The following ADAMTS18 variants were observed in gnomAD, a reference collection of about 807,000 sequenced individuals.
ADAMTS18 encodes A disintegrin and metalloproteinase with thrombospondin motifs 18.
ADAMTS18 carries 157 observed loss-of-function variants against 165.9 expected under a neutral mutation model. The ratio of observed to expected loss-of-function variants is 0.95; its 90% CI spans 0.83 to 1.08. ADAMTS18 has a LOEUF of 1.08. Ranked by LOEUF, ADAMTS18 falls within the 50% of genes least tolerant of loss-of-function variation. The pLI, the probability that ADAMTS18 is intolerant of heterozygous loss-of-function variation, is 0.00. For synonymous variants in ADAMTS18, 782 were observed against 578.2 expected, an observed-to-expected ratio of 1.35 and a Z score of -5.06; for missense variants, 2,040 against 1,534.0, an observed-to-expected ratio of 1.33 and a Z score of -5.51.
At chr16:77,320,295 C>T (rs2055972077) in intron 15 of ADAMTS18, among the ~76,000 whole-genome samples, 1 of 152,158 alleles carries the variant, frequency 6.6e-6, no homozygotes, top group Admixed American at 6.5e-5. Context: ...ATGTATGTGG[C>T]TTCCCAAAGC....
intron 3 of ADAMTS18, among the ~76,000 whole-genome samples, chr16:77,418,871 C>T (rs781665726): frequency 1.2e-4 from 19 of 152,220 alleles, no homozygotes; most frequent in Non-Finnish European, 2.8e-4. Flanking sequence ...CAATTATTCG[C>T]CGAGTGCGGC....
At chr16:77,415,639 T>C (rs571227412) in intron 3 of ADAMTS18, among the ~76,000 whole-genome samples, 2 of 149,170 alleles carry the variant, frequency 1.3e-5, no homozygotes, top group African/African-American at 4.9e-5. Flanking sequence ...ACAGACTGCA[T>C]GGACTTGAGG....
chr16:77,348,246 C>T (rs1308427426), intron 10 of ADAMTS18, among the ~76,000 whole-genome samples: 1 of 152,094 alleles, frequency 6.6e-6, no homozygotes, highest in African/African-American at 2.4e-5. Flanking sequence ...AAATAAGACA[C>T]TGGAGTCCAA....
intron 18 of ADAMTS18, among the ~76,000 whole-genome samples, chr16:77,295,907 G>C (rs759052068): frequency 6.6e-6 from 1 of 151,488 alleles, no homozygotes; most frequent in Non-Finnish European, 1.5e-5. Flanking sequence ...GCAATGGCTC[G>C]ATCTCAGCTC....
intron 7 of ADAMTS18, 119 bp from the exon 8 acceptor site, chr16:77,359,542 G>A: frequency 1.3e-5 from 7 of 548,742 alleles, no homozygotes; most frequent in South Asian, 1.0e-4. Context: ...TGCATTCAGT[G>A]TTTTTGGAAA....
chr16:77,326,748 G>A (rs1305434126), intron 12 of ADAMTS18, among the ~76,000 whole-genome samples: 1 of 152,178 alleles, frequency 6.6e-6, no homozygotes, highest in Non-Finnish European at 1.5e-5. Context: ...AGGTTCAGGG[G>A]TACATGTAAA....
intron 22 of ADAMTS18, among the ~76,000 whole-genome samples, chr16:77,288,535 C>G (rs1001783825): frequency 6.6e-6 from 1 of 152,082 alleles, no homozygotes; most frequent in Non-Finnish European, 1.5e-5. Context: ...ATTTTCCTAT[C>G]AGTACTCACT....
At chr16:77,425,341 T>C (rs1303544250) in intron 3 of ADAMTS18, among the ~76,000 whole-genome samples, 1 of 152,110 alleles carries the variant, frequency 6.6e-6, no homozygotes, top group Non-Finnish European at 1.5e-5. Context: ...GGAGTTCTCA[T>C]GGCAGCCTTG....
intron 13 of ADAMTS18, among the ~76,000 whole-genome samples, chr16:77,323,522 A>G (rs1309826184): frequency 2.0e-5 from 3 of 150,102 alleles, no homozygotes; most frequent in Non-Finnish European, 4.4e-5. Flanking sequence ...TCTTTTCTCT[A>G]TCATTTCCAG....
chr16:77,291,573 A>C, intron 20 of ADAMTS18, 95 bp from the exon 21 acceptor site: 1 of 1,219,030 alleles, frequency 8.2e-7, no homozygotes, highest in Non-Finnish European at 1.2e-6. Flanking sequence ...CATCCACATG[A>C]AATAGGAGGG....
In ADAMTS18 at chr16:77,378,350, CAAA is replaced by C. The variant is rs142010133; in HGVS notation, c.496-10630_496-10628del. Among the ~76,000 whole-genome samples, 124 of 105,618 alleles carry C rather than the reference CAAA, an allele frequency of 1.2e-3. 2 individuals are homozygous for C. The East Asian group carries it at 0.022, about 18-fold the overall frequency. The allele number at this position is 105,618 out of a possible 152,430, so 69.3% of individuals were successfully genotyped here. On this transcript the variant is annotated intron_variant, in intron 3 of 22. Transcript: ENST00000282849. The stretch of plus-strand genomic sequence containing the variant: ...AAACAAAAACAAAAACAAAAAAAAA[CAAA>C]AAAAAAAAAAACCAAGCCCTTTACT...
Position 77,325,994 on chromosome 16 carries a change from T to A in ADAMTS18, c.1904A>T (p.Tyr635Phe), listed in dbSNP as rs1400121764. The change falls in exon 13 of 23, where the codon TAT becomes TTT. Residue 635 changes from tyrosine (Y) to phenylalanine (F), a missense_variant. By Grantham distance (22) the Tyr-to-Phe change is conservative. Transcript: ENST00000282849. ...GLFCPGSSRI[Y>F]QLCNINPCNE... ...GCAAGGGTTAATATTGCACAGCTGA[T>A]AAATACGGCTAGAACCTGGACAGAA... 6.2e-7 allele frequency: 1 copy of A among 1,614,118 alleles called. No homozygotes were observed. Among genetic ancestry groups the A allele is most frequent in the South Asian group, 1.1e-5 (1 of 91,080 alleles).
At chr16:77,369,559 T>A (rs754129470) in intron 3 of ADAMTS18, among the ~76,000 whole-genome samples, 4 of 152,062 alleles carry the variant, frequency 2.6e-5, no homozygotes, top group Non-Finnish European at 5.9e-5. Flanking sequence ...AAACAGAAAA[T>A]CTGAACAAAC....
intron 2 of ADAMTS18, chr16:77,433,536 G>A (rs1262234889): frequency 6.6e-6 from 1 of 152,284 alleles, no homozygotes; most frequent in Non-Finnish European, 1.5e-5. Flanking sequence ...ATCTGATCCT[G>A]ATATAAGAAT....
chr16:77,312,068 A>AT (rs1250536640), intron 16 of ADAMTS18, among the ~76,000 whole-genome samples: 1 of 152,086 alleles, frequency 6.6e-6, no homozygotes, highest in Non-Finnish European at 1.5e-5. Context: ...TTATGATTTT[A>AT]TTTAGATCTA....
intron 11 of ADAMTS18, among the ~76,000 whole-genome samples, chr16:77,339,439 G>T (rs562995785): frequency 6.6e-6 from 1 of 152,010 alleles, no homozygotes; most frequent in African/African-American, 2.4e-5. Flanking sequence ...GTTTACTGAA[G>T]CCTAACACAA....
intron 5 of ADAMTS18, 148 bp downstream of exon 5, chr16:77,364,040 A>G: frequency 7.8e-7 from 1 of 1,283,280 alleles, no homozygotes; most frequent in Non-Finnish European, 1.1e-6. Flanking sequence ...AAAAAAATAA[A>G]ACCACATATG....
intron 3 of ADAMTS18, among the ~76,000 whole-genome samples, chr16:77,415,078 CTG>C (rs2057512712): frequency 6.6e-6 from 1 of 152,218 alleles, no homozygotes; most frequent in Admixed American, 6.5e-5. Context: ...CCAAGATGCA[CTG>C]TGAGGAACAA....
At position 77,434,406 on chromosome 16, in the gene ADAMTS18, G is replaced by A; in HGVS notation, c.178+12C>T. The A allele has an allele frequency of 3.2e-6, 5 of 1,564,662 alleles. No homozygotes were observed. The highest frequency in any genetic ancestry group is 4.3e-6 in the Non-Finnish European group (5 of 1,161,476). ...GAAAGGCCCTTCTTGGGGATGGGGG[G>A]CAAATACGAACCATCATTTAATCCG... On this transcript the variant is annotated intron_variant, in intron 2 of 22. Transcript: ENST00000282849.
Sources: allele counts gnomAD v4.1 joint callset (sites outside exome capture counted in the v4.1 genomes callset), GRCh38; gene constraint gnomAD v4.1.1; transcripts MANE v1.5; gene names NCBI Gene and HGNC (gene_info 2026-07-23, HGNC 2026-07-21).